Variants in CACNB4 observed in about 807,000 individuals in gnomAD.
CACNB4 encodes calcium voltage-gated channel auxiliary subunit beta 4.
Under a neutral mutation model 71.2 loss-of-function variants are expected in CACNB4, and 32 were observed. The observed-to-expected ratio is 0.45, with a 90% confidence interval of 0.34 to 0.60. The LOEUF (loss-of-function observed/expected upper bound fraction) is 0.60. Among genes scored for constraint, CACNB4 ranks in the 20% least tolerant of loss-of-function variants. The probability of loss-of-function intolerance (pLI) is 0.01; values close to 1 mark genes in which losing one functional copy is unlikely to be tolerated. For missense variants in CACNB4, 464 were observed against 647.9 expected, an observed-to-expected ratio of 0.72 and a Z score of 3.08; for synonymous variants, 231 against 236.9, an observed-to-expected ratio of 0.97 and a Z score of 0.23.
intron 2 of CACNB4, among the ~76,000 whole-genome samples, chr2:151,912,245 T>G (rs1313384630): frequency 6.6e-6 from 1 of 152,198 alleles, no homozygotes; most frequent in Admixed American, 6.5e-5. Flanking sequence ...TCTAGCTCTT[T>G]TAATTGTGAT....
chr2:151,838,471 A>C lies in CACNB4; in HGVS notation c.*648T>G, dbSNP rs1202522366. 1 of 152,140 alleles carries C rather than the reference A, an allele frequency of 6.6e-6. No individual in the cohort carries two copies. The highest frequency in any genetic ancestry group is 2.4e-5 in the African/African-American group (1 of 41,184). 9.4% of individuals were successfully genotyped at this position (152,140 alleles called of 1,614,324 possible). On this transcript the variant is annotated 3_prime_UTR_variant, in exon 14 of 14. Coordinates refer to ENST00000539935, the MANE Select transcript of CACNB4 (RefSeq NM_000726.5). ...TATTAAAATCTGAGGAGACTATATA[A>C]TTTCTGCATTAAGATTTCTGAGATT...
chr2:152,028,416 T>C (rs1684094266), intron 2 of CACNB4, among the ~76,000 whole-genome samples: 1 of 152,186 alleles, frequency 6.6e-6, no homozygotes, highest in South Asian at 2.1e-4. Flanking sequence ...CACTGATACC[T>C]TCGTGTGTAA....
At chr2:151,855,463 G>A in intron 10 of CACNB4, 88 bp from the exon 11 acceptor site, 1 of 968,480 alleles carries the variant, frequency 1.0e-6, no homozygotes, top group Non-Finnish European at 1.5e-6. Flanking sequence ...CAGATATGTT[G>A]GTCTACATTA....
At chr2:152,052,839 G>C (rs190522388) in intron 2 of CACNB4, among the ~76,000 whole-genome samples, 1 of 151,922 alleles carries the variant, frequency 6.6e-6, no homozygotes, top group Admixed American at 6.6e-5. Context: ...AAAATTGGCT[G>C]GGCGTGGTGG....
intron 3 of CACNB4, among the ~76,000 whole-genome samples, chr2:151,882,140 A>G (rs2099848041): frequency 6.8e-6 from 1 of 147,402 alleles, no homozygotes; most frequent in Non-Finnish European, 1.5e-5. Flanking sequence ...CGGCCTCCCA[A>G]AGTGCTGGGA....
At chr2:151,924,073 C>T (rs1262546003) in intron 2 of CACNB4, among the ~76,000 whole-genome samples, 53 of 91,406 alleles carry the variant, frequency 5.8e-4, no homozygotes, top group Middle Eastern at 0.011. Context: ...ATTCTGAAAT[C>T]TTTTTTTTTT....
chr2:151,983,639 G>A (rs903076585), intron 2 of CACNB4, among the ~76,000 whole-genome samples: 8 of 145,122 alleles, frequency 5.5e-5, no homozygotes, highest in East Asian at 2.0e-4. Context: ...GGTATGTCTC[G>A]TAAGTCCAAA....
At chr2:151,973,709 T>C (rs1467592864) in intron 2 of CACNB4, 23 of 1,613,350 alleles carry the variant, frequency 1.4e-5, no homozygotes, top group Non-Finnish European at 1.7e-5. Context: ...CAAATTGTCA[T>C]ACATGGAGGT....
At chr2:152,048,393 C>A (rs974891511) in intron 2 of CACNB4, 3 of 152,274 alleles carry the variant, frequency 2.0e-5, no homozygotes, top group Non-Finnish European at 4.4e-5. Flanking sequence ...ACATGTGTTA[C>A]ATCCAGAAGG....
intron 2 of CACNB4, among the ~76,000 whole-genome samples, chr2:151,927,571 G>C (rs766748739): frequency 6.6e-6 from 1 of 152,198 alleles, no homozygotes; most frequent in Non-Finnish European, 1.5e-5. Context: ...GAACAAATTG[G>C]TTGTCTAGAA....
Position 152,016,822 on chromosome 2 carries a change from G to A in CACNB4, c.147+81508C>T, listed in dbSNP as rs553797826. Among the ~76,000 whole-genome samples, 4 of 152,312 alleles carry A rather than the reference G, an allele frequency of 2.6e-5. No homozygotes were observed. The South Asian group carries it at 8.3e-4, about 32-fold the overall frequency. The stretch of plus-strand genomic sequence containing the variant: ...ACTATACAAAAATATAATATTCATA[G>A]TAATAATAGCTGCCATTCTGTGTGC... On this transcript the variant is annotated intron_variant, in intron 2 of 13. Coordinates refer to ENST00000539935, the MANE Select transcript of CACNB4 (RefSeq NM_000726.5).
rs115003390 is a variant in CACNB4 at position 151,842,699 on chromosome 2, A to G, written c.1117-611T>C. ...AAATGTGTTACAGGTAAAATATGAC[A>G]AAAACCCACGTGTATTCACATCTTT... On this transcript the variant is annotated intron_variant, in intron 12 of 13. Transcript: ENST00000539935. Among the ~76,000 whole-genome samples the G allele has an allele frequency of 7.1e-3, 1,088 of 152,258 alleles. 9 individuals are homozygous for G. Among genetic ancestry groups the G allele is most frequent in the African/African-American group, 0.025 (1,025 of 41,542 alleles).
At chr2:151,951,448 A>G (rs977530607) in intron 2 of CACNB4, among the ~76,000 whole-genome samples, 6 of 152,094 alleles carry the variant, frequency 3.9e-5, no homozygotes, top group Admixed American at 1.3e-4. Flanking sequence ...ACATTTTCCA[A>G]TTTCTTTTAA....
chr2:151,929,831 A>C (rs927399906), intron 2 of CACNB4, among the ~76,000 whole-genome samples: 7 of 152,164 alleles, frequency 4.6e-5, no homozygotes, highest in Non-Finnish European at 1.0e-4. Flanking sequence ...CAGGCTCTAT[A>C]TGAAGAAAAA....
rs1367575595 is a variant in CACNB4, at chr2:151,837,987, A to C, written c.*1132T>G. The C allele has an allele frequency of 6.6e-6, 1 of 152,222 alleles. No individual in the cohort carries two copies. Among genetic ancestry groups the C allele is most frequent in the African/African-American group, 2.4e-5 (1 of 41,472 alleles). 9.4% of individuals were successfully genotyped at this position (152,222 alleles called of 1,614,324 possible). Reference sequence around the variant, plus strand: ...AAGTTGAGTGTGTCCACATAAAACGAAATTCCTTAGCATGATTTAAAGAAT... The same window carrying C: ...AAGTTGAGTGTGTCCACATAAAACGCAATTCCTTAGCATGATTTAAAGAAT... On this transcript the variant is annotated 3_prime_UTR_variant, in exon 14 of 14. Transcript: ENST00000539935.
At chr2:152,091,043 CAAAAAA>C (rs747321169) in intron 2 of CACNB4, among the ~76,000 whole-genome samples, 2,867 of 122,318 alleles carry the variant, frequency 0.023, 92 homozygotes, top group African/African-American at 0.08. Context: ...GACTCCATCT[CAAAAAA>C]AAAAAAAAGT....
At chr2:152,069,371 G>C (rs1173765914) in intron 2 of CACNB4, among the ~76,000 whole-genome samples, 1 of 152,052 alleles carries the variant, frequency 6.6e-6, no homozygotes, top group Non-Finnish European at 1.5e-5. Flanking sequence ...ATTTTTATGT[G>C]GGTCAAGACC....
chr2:152,050,847 C>T (rs1685391322), intron 2 of CACNB4, among the ~76,000 whole-genome samples: 1 of 152,048 alleles, frequency 6.6e-6, no homozygotes, highest in Non-Finnish European at 1.5e-5. Flanking sequence ...TGGCTCACTG[C>T]AGCCTCGATC....
intron 2 of CACNB4, among the ~76,000 whole-genome samples, chr2:152,002,565 C>G (rs1053781215): frequency 2.6e-5 from 4 of 152,224 alleles, no homozygotes. Context: ...AAATATGCAA[C>G]TTATCCAACT....
Sources: gnomAD v4.1 joint callset for allele counts (sites outside exome capture counted in the v4.1 genomes callset) on GRCh38, gnomAD v4.1.1 for gene constraint, MANE v1.5 for transcripts, NCBI Gene and HGNC (gene_info 2026-07-23, HGNC 2026-07-21) for gene names.